Variants in GRM8 observed in about 807,000 individuals in gnomAD.
GRM8 encodes metabotropic glutamate receptor 8.
In GRM8, 47 loss-of-function variants were observed where a neutral mutation model predicts 87.2. The ratio of observed to expected loss-of-function variants is 0.54; its 90% CI spans 0.43 to 0.69. The LOEUF (loss-of-function observed/expected upper bound fraction) is 0.69. GRM8 is among the 30% of genes least tolerant of loss of function. GRM8 has a pLI of 0.00. For missense variants in GRM8, 1,019 were observed against 1,139.2 expected (o/e 0.89, Z 1.52); for synonymous variants, 396 against 404.5 (o/e 0.98, Z 0.25).
In GRM8 at chr7:127,160,535, G is replaced by GCA. The variant is rs139597501; in HGVS notation, c.511-53825_511-53824dup. On this transcript the variant is annotated intron_variant, in intron 2 of 10. Transcript: ENST00000339582. ...TGTAAGGAGGCTCCATCACGCGCGC[G>GCA]CACACACACACACACACACCCCTCA... Among the ~76,000 whole-genome samples the GCA allele has an allele frequency of 3.6e-4, 51 of 140,416 alleles. No individual in the cohort carries two copies. In the East Asian group the frequency reaches 3.9e-3, roughly 11 times the overall value. 92.1% of individuals were successfully genotyped at this position (140,416 alleles called of 152,430 possible).
chr7:126,627,397 T>C (rs903608925), intron 7 of GRM8, among the ~76,000 whole-genome samples: 4 of 152,240 alleles, frequency 2.6e-5, no homozygotes, highest in African/African-American at 9.6e-5. Flanking sequence ...AGTAGTTTCA[T>C]GTTTCAGAAA....
At chr7:127,108,238 C>T (rs964677306) in intron 2 of GRM8, among the ~76,000 whole-genome samples, 2 of 152,182 alleles carry the variant, frequency 1.3e-5, no homozygotes, top group African/African-American at 4.8e-5. Flanking sequence ...TCTCAAACCA[C>T]ACACCAAATC....
At chr7:127,151,635 T>C (rs1828864924) in intron 2 of GRM8, among the ~76,000 whole-genome samples, 1 of 152,080 alleles carries the variant, frequency 6.6e-6, no homozygotes, top group Non-Finnish European at 1.5e-5. Flanking sequence ...CTTGAGCCCC[T>C]GAGTTTACGG....
chr7:126,897,322 ACT>A (rs1242926808), intron 6 of GRM8, among the ~76,000 whole-genome samples: 2 of 152,102 alleles, frequency 1.3e-5, no homozygotes, highest in African/African-American at 4.8e-5. Context: ...CTGAAGAAAG[ACT>A]CTACTGCCAA....
intron 3 of GRM8, among the ~76,000 whole-genome samples, chr7:126,917,644 C>T (rs1804059445): frequency 6.6e-6 from 1 of 152,114 alleles, no homozygotes; most frequent in Non-Finnish European, 1.5e-5. Context: ...CAAATGCAAA[C>T]CTTGTCAACC....
intron 3 of GRM8, among the ~76,000 whole-genome samples, chr7:127,064,182 A>C (rs1306043251): frequency 3.3e-5 from 5 of 152,172 alleles, no homozygotes; most frequent in African/African-American, 1.2e-4. Context: ...TATCTTTGTT[A>C]ATTTTCTGCC....
At chr7:126,563,663 GTGGC>G (rs1471787174) in intron 8 of GRM8, among the ~76,000 whole-genome samples, 2 of 152,076 alleles carry the variant, frequency 1.3e-5, no homozygotes, top group African/African-American at 4.8e-5. Context: ...GTTTAGGGGA[GTGGC>G]TTTGGCTCTT....
intron 8 of GRM8, among the ~76,000 whole-genome samples, chr7:126,592,496 G>T (rs1332793464): frequency 6.6e-6 from 1 of 151,840 alleles, no homozygotes; most frequent in Non-Finnish European, 1.5e-5. Context: ...TAATAAATGT[G>T]ATACATCACA....
intron 6 of GRM8, among the ~76,000 whole-genome samples, chr7:126,820,126 G>T (rs958881996): frequency 6.6e-6 from 1 of 152,034 alleles, no homozygotes; most frequent in South Asian, 2.1e-4. Context: ...TTTTTGAACA[G>T]TGTGGTTCTA....
At chr7:126,446,714 T>G (rs1011954153) in intron 9 of GRM8, among the ~76,000 whole-genome samples, 2 of 151,978 alleles carry the variant, frequency 1.3e-5, no homozygotes, top group African/African-American at 2.4e-5. Flanking sequence ...CACACAGAAC[T>G]TCTTTAGAAG....
rs145687986 is a variant in GRM8, at chr7:126,865,957, C to T, written c.1156+36585G>A. Among the ~76,000 whole-genome samples, 412 of 152,230 alleles carry T rather than the reference C, an allele frequency of 2.7e-3. 3 individuals are homozygous for T. Among genetic ancestry groups the T allele is most frequent in the African/African-American group, 8.8e-3 (367 of 41,546 alleles). ...TTAGGTACACAGCTAAGAGTAGAAC[C>T]GGTGGAATATATGGTAACTTTACTT... On this transcript the variant is annotated intron_variant, in intron 6 of 10. Coordinates refer to ENST00000339582, the MANE Select transcript of GRM8 (RefSeq NM_000845.3).
At chr7:127,028,087 C>A (rs1816974102) in intron 3 of GRM8, among the ~76,000 whole-genome samples, 1 of 152,156 alleles carries the variant, frequency 6.6e-6, no homozygotes, top group Non-Finnish European at 1.5e-5. Context: ...CTGAGATAAT[C>A]ATGTGGTTTT....
At chr7:126,697,779 C>G (rs1809535293) in intron 7 of GRM8, among the ~76,000 whole-genome samples, 1 of 152,068 alleles carries the variant, frequency 6.6e-6, no homozygotes, top group South Asian at 2.1e-4. Context: ...AACAAAGAAG[C>G]ATTAAAAACA....
At chr7:126,977,735 T>C (rs1335710663) in intron 3 of GRM8, among the ~76,000 whole-genome samples, 3 of 152,178 alleles carry the variant, frequency 2.0e-5, no homozygotes, top group Non-Finnish European at 2.9e-5. Flanking sequence ...CTCAGAATCA[T>C]AGAATTCTTT....
intron 9 of GRM8, among the ~76,000 whole-genome samples, chr7:126,488,796 T>C (rs930201677): frequency 1.3e-5 from 2 of 151,998 alleles, no homozygotes; most frequent in Non-Finnish European, 2.9e-5. Flanking sequence ...TTTGCTATAG[T>C]ATTCTGCACA....
chr7:126,629,924 T>C (rs1419482), intron 7 of GRM8, among the ~76,000 whole-genome samples: 8,781 of 152,236 alleles, frequency 0.058, 552 homozygotes, highest in East Asian at 0.31. Flanking sequence ...AGCTGGCCTA[T>C]CAAACTGATG....
At chr7:127,202,588 T>G (rs1795675940) in intron 2 of GRM8, among the ~76,000 whole-genome samples, 1 of 152,216 alleles carries the variant, frequency 6.6e-6, no homozygotes, top group South Asian at 2.1e-4. Flanking sequence ...ACTGTACATA[T>G]TCCTAGTTGT....
At chr7:126,917,007 C>A (rs1323910674) in intron 3 of GRM8, among the ~76,000 whole-genome samples, 1 of 152,144 alleles carries the variant, frequency 6.6e-6, no homozygotes, top group East Asian at 1.9e-4. Context: ...ATTCAGATAG[C>A]ACTAAAAAGA....
At chr7:126,737,114 GT>G (rs1296455994) in intron 7 of GRM8, among the ~76,000 whole-genome samples, 1 of 152,036 alleles carries the variant, frequency 6.6e-6, no homozygotes, top group African/African-American at 2.4e-5. Flanking sequence ...AGAAATTATG[GT>G]TTAGGAATCA....
Sources: gnomAD v4.1 joint callset for allele counts (sites outside exome capture counted in the v4.1 genomes callset) on GRCh38, gnomAD v4.1.1 for gene constraint, MANE v1.5 for transcripts, NCBI Gene and HGNC (gene_info 2026-07-23, HGNC 2026-07-21) for gene names.